Variants in HTR3B observed in about 807,000 individuals in gnomAD.
HTR3B encodes the protein 5-hydroxytryptamine receptor 3B, also known as 5-hydroxytryptamine (serotonin) receptor 3B, ionotropic.
Under a neutral mutation model 42.8 loss-of-function variants are expected in HTR3B, and 44 were observed. The observed-to-expected ratio is 1.03, with a 90% CI of 0.81 to 1.32. The LOEUF is 1.32. Among genes scored for constraint, HTR3B ranks in the 40% most tolerant of loss-of-function variants. The pLI is 0.00. For synonymous variants in HTR3B, 203 were observed against 209.0 expected (o/e 0.97, Z 0.25); for missense variants, 527 against 536.5 (o/e 0.98, Z 0.17).
intron 2 of HTR3B, among the ~76,000 whole-genome samples, chr11:113,910,457 T>C (rs1422634729): frequency 6.6e-6 from 1 of 151,764 alleles, no homozygotes; most frequent in Non-Finnish European, 1.5e-5. Flanking sequence ...TTTTTTTTTT[T>C]TGAGACGGAG....
chr11:113,946,532 A>AAAAAT lies in HTR3B; in HGVS notation c.*405_*409dup, dbSNP rs1240178841. On this transcript the variant is annotated 3_prime_UTR_variant, in exon 9 of 9. Coordinates refer to ENST00000260191, the MANE Select transcript of HTR3B (RefSeq NM_006028.5). ...TGACAGAGCAAGACCCTGTCTCAAAAAAAATAAAATAAAAGGCTTTCTGCC... is the reference window on the plus strand; with the variant it reads ...TGACAGAGCAAGACCCTGTCTCAAAAAAAATAAAATAAAATAAAAGGCTTTCTGCC... 1.3e-5 allele frequency: 2 copies of AAAAAT among 156,510 alleles called. No homozygotes were observed. Among genetic ancestry groups the AAAAAT allele is most frequent in the Non-Finnish European group, 1.4e-5 (1 of 70,606 alleles). The allele number at this position is 156,510 out of a possible 1,614,324, so 9.7% of individuals were successfully genotyped here.
chr11:113,900,797 G>C (rs1350666497), upstream of HTR3B, among the ~76,000 whole-genome samples: 2 of 152,148 alleles, frequency 1.3e-5, no homozygotes, highest in Non-Finnish European at 2.9e-5. Flanking sequence ...CATGGCTGGG[G>C]AGACCTCAGG....
intron 2 of HTR3B, among the ~76,000 whole-genome samples, chr11:113,924,116 T>C (rs1026177910): frequency 2.0e-5 from 3 of 152,164 alleles, no homozygotes; most frequent in Admixed American, 2.0e-4. Flanking sequence ...ATAAACAAAC[T>C]GGTAAGAACA....
intron 7 of HTR3B, among the ~76,000 whole-genome samples, chr11:113,944,325 C>T (rs1950159911): frequency 6.6e-6 from 1 of 152,072 alleles, no homozygotes; most frequent in Non-Finnish European, 1.5e-5. Context: ...GCCGTGAGGC[C>T]TTGTCTCTAC....
At chr11:113,915,264 C>T (rs558917703) in intron 2 of HTR3B, among the ~76,000 whole-genome samples, 4 of 152,234 alleles carry the variant, frequency 2.6e-5, no homozygotes, top group Non-Finnish European at 5.9e-5. Context: ...AGTGCAGTGG[C>T]GTGATCACGG....
chr11:113,905,009 T>C (rs1045129679), intron 1 of HTR3B, 24 bp downstream of exon 1: 5 of 1,546,338 alleles, frequency 3.2e-6, no homozygotes, highest in Non-Finnish European at 4.5e-6. Flanking sequence ...ATAATTTTAC[T>C]AGGCATTAAG....
At chr11:113,911,914 CACAGAG>C (rs1172974065) in intron 2 of HTR3B, among the ~76,000 whole-genome samples, 2 of 152,118 alleles carry the variant, frequency 1.3e-5, no homozygotes, top group Admixed American at 1.3e-4. Context: ...CCTCTTCACC[CACAGAG>C]ACAAATACTC....
At chr11:113,912,186 A>G (rs1279529813) in intron 2 of HTR3B, among the ~76,000 whole-genome samples, 1 of 152,188 alleles carries the variant, frequency 6.6e-6, no homozygotes, top group African/African-American at 2.4e-5. Context: ...TAGTATGAAT[A>G]AAGCTGCTAA....
At chr11:113,938,377 C>T (rs1220812524) in intron 6 of HTR3B, among the ~76,000 whole-genome samples, 2 of 152,046 alleles carry the variant, frequency 1.3e-5, no homozygotes, top group Admixed American at 6.6e-5. Flanking sequence ...AATATAAACT[C>T]GAAAAGTCCC....
Position 113,904,858 on chromosome 11 carries a change from C to A in HTR3B, c.-76C>A, listed in dbSNP as rs1342342538. 5.3e-6 allele frequency: 6 copies of A among 1,134,858 alleles called. No homozygotes were observed. The highest frequency in any genetic ancestry group is 3.0e-5 in the African/African-American group (2 of 65,684). 70.3% of individuals were successfully genotyped at this position (1,134,858 alleles called of 1,614,324 possible). A position where few individuals can be genotyped will look rare whatever the true frequency, so the allele number is the denominator to read the frequency against. On this transcript the variant is annotated 5_prime_UTR_variant, in exon 1 of 9. Coordinates refer to ENST00000260191, the MANE Select transcript of HTR3B (RefSeq NM_006028.5). ...AGGAGGAGAACAGAGTGGAGAGGAA[C>A]CCTGTTAGGAGAAATTGAGCGGCAT... is the stretch of plus-strand genomic sequence containing the variant.
intron 2 of HTR3B, among the ~76,000 whole-genome samples, chr11:113,924,069 C>T (rs1949943557): frequency 6.6e-6 from 1 of 152,180 alleles, no homozygotes. Flanking sequence ...AGCCATATGA[C>T]TGAATCAATG....
chr11:113,928,916 C>T (rs1213692251), intron 2 of HTR3B, among the ~76,000 whole-genome samples: 4 of 152,146 alleles, frequency 2.6e-5, no homozygotes, highest in African/African-American at 9.7e-5. Context: ...ATTCATCTGT[C>T]GATGGACACT....
At chr11:113,919,413 T>C (rs990605445) in intron 2 of HTR3B, among the ~76,000 whole-genome samples, 123 of 152,230 alleles carry the variant, frequency 8.1e-4, no homozygotes, top group African/African-American at 2.9e-3. Flanking sequence ...TTTCAATTTA[T>C]TTTAATAGGG....
Position 113,931,834 on chromosome 11 carries a change from C to A in HTR3B, c.335C>A (p.Ala112Asp). ...EIREISLPLS[A>D]IWAPDIIINE... ...AGAGAGATCTCCCTACCTCTAAGTG[C>A]CATCTGGGCCCCCGATATCATCATC... Residue 112 changes from alanine to aspartate, a missense_variant, in exon 4 of 9, where the codon GCC becomes GAC. Ala to Asp is a moderately radical substitution (Grantham distance 126, BLOSUM62 -2). Transcript: ENST00000260191. 1 of 1,604,904 alleles carries A rather than the reference C, an allele frequency of 6.2e-7. No homozygotes were observed. The highest frequency in any genetic ancestry group is 8.5e-7 in the Non-Finnish European group (1 of 1,171,596).
In HTR3B at chr11:113,946,011, A is replaced by T; in HGVS notation, c.1200A>T (p.Gln400His). 3 of 1,614,026 alleles carry T rather than the reference A, an allele frequency of 1.9e-6. No individual in the cohort carries two copies. The highest frequency in any genetic ancestry group is 2.5e-6 in the Non-Finnish European group (3 of 1,179,942). ...TCCAAACTCAGGACCAGACAGACCAACAGGAGGCAGAGTGGCTGGTCCTCC... is the reference window on the plus strand; with the variant it reads ...TCCAAACTCAGGACCAGACAGACCATCAGGAGGCAGAGTGGCTGGTCCTCC... ...NYLQTQDQTD[Q>H]QEAEWLVLLS... The change falls in exon 9 of 9, where the codon CAA (glutamine) becomes CAT (histidine). Residue 400 changes from glutamine to histidine, a missense_variant. Physicochemically the swap from Gln to His is conservative, Grantham distance 24. Transcript: ENST00000260191.
In HTR3B at chr11:113,904,827, CGG is replaced by C. The variant is rs1949722360; in HGVS notation, c.-106_-105del. ...AGTAAGGATAGCATCAACTGGCAAA[CGG>C]AGAAGGAGGAGAACAGAGTGGAGAG... On this transcript the variant is annotated 5_prime_UTR_variant, in exon 1 of 9. Coordinates refer to ENST00000260191, the MANE Select transcript of HTR3B (RefSeq NM_006028.5). 5.9e-6 allele frequency: 5 copies of C among 849,210 alleles called. No homozygotes were observed. The East Asian group carries it at 1.2e-4, about 21-fold the overall frequency. 52.6% of individuals were successfully genotyped at this position (849,210 alleles called of 1,614,324 possible). A position where few individuals can be genotyped will look rare whatever the true frequency, so the allele number is the denominator to read the frequency against.
At chr11:113,936,895 A>G (rs573490623) in intron 6 of HTR3B, among the ~76,000 whole-genome samples, 146 of 152,308 alleles carry the variant, frequency 9.6e-4, no homozygotes, top group African/African-American at 3.2e-3. Context: ...GGCCTATTCC[A>G]TCTCCAAGGA....
At position 113,931,719 on chromosome 11, in the gene HTR3B, C is replaced by G. The variant is rs547787555; in HGVS notation, c.259-39C>G. The G allele has an allele frequency of 1.1e-4, 126 of 1,144,798 alleles. 3 individuals are homozygous for G. The South Asian group carries it at 1.5e-3, about 14-fold the overall frequency. The allele number at this position is 1,144,798 out of a possible 1,614,324, so 70.9% of individuals were successfully genotyped here. A position where few individuals can be genotyped will look rare whatever the true frequency, so the allele number is the denominator to read the frequency against. Reference sequence around the variant, plus strand: ...AGTTCTTTAGCGAAGTAGATATTGCCCCATTTTGATAAGTTTTCTTTTTGG... The same window carrying G: ...AGTTCTTTAGCGAAGTAGATATTGCGCCATTTTGATAAGTTTTCTTTTTGG... On this transcript the variant is annotated intron_variant, in intron 3 of 8. Coordinates refer to ENST00000260191, the MANE Select transcript of HTR3B (RefSeq NM_006028.5).
At chr11:113,923,725 A>T (rs1949938891) in intron 2 of HTR3B, among the ~76,000 whole-genome samples, 1 of 152,206 alleles carries the variant, frequency 6.6e-6, no homozygotes, top group South Asian at 2.1e-4. Flanking sequence ...ACAGGGCGAG[A>T]TACACAGAGG....
Sources: allele counts gnomAD v4.1 joint callset (sites outside exome capture counted in the v4.1 genomes callset), GRCh38; gene constraint gnomAD v4.1.1; transcripts MANE v1.5; gene names NCBI Gene and HGNC (gene_info 2026-07-23, HGNC 2026-07-21).